Variants in FOXP1 observed in about 807,000 individuals in gnomAD.
The protein encoded by FOXP1 is forkhead box P1, also known as forkhead box protein P1.
Under a neutral mutation model 98.2 loss-of-function variants are expected in FOXP1, and 15 were observed. The observed-to-expected ratio is 0.15, with a 90% CI of 0.10 to 0.24. The LOEUF (loss-of-function observed/expected upper bound fraction) is 0.24, where lower values mean the gene tolerates loss of function less well. Among genes scored for constraint, FOXP1 ranks in the 10% least tolerant of loss-of-function variants. The probability of loss-of-function intolerance (pLI) is 1.00; values close to 1 mark genes in which losing one functional copy is unlikely to be tolerated. For synonymous variants in FOXP1, 371 were observed against 314.5 expected (o/e 1.18, Z -1.90); for missense variants, 633 against 848.5 (o/e 0.75, Z 3.15).
Position 71,460,431 on chromosome 3 carries a change from T to G in FOXP1, c.-168+32995A>C, listed in dbSNP as rs371360292. On this transcript the variant is annotated intron_variant, in intron 3 of 20. Transcript: ENST00000649528. ...ATTTTTGATTTTTTGGTTTTTTTCG[T>G]TTTTTTTTGTTGTTGTTGTTTTTGA... is the stretch of plus-strand genomic sequence containing the variant. 2.8e-3 allele frequency among the ~76,000 whole-genome samples: 417 copies of G among 148,970 alleles called. 1 individual carries two copies. The highest frequency in any genetic ancestry group is 8.2e-3 in the African/African-American group (333 of 40,486).
intron 6 of FOXP1, among the ~76,000 whole-genome samples, chr3:71,159,878 A>T (rs1342621813): frequency 6.6e-6 from 1 of 152,240 alleles, no homozygotes; most frequent in African/African-American, 2.4e-5. Flanking sequence ...AGAACTAATT[A>T]ACACAGTTAC....
intron 2 of FOXP1, among the ~76,000 whole-genome samples, chr3:71,534,357 A>AAACAAC (rs748850801): frequency 6.6e-6 from 1 of 151,882 alleles, no homozygotes; most frequent in Non-Finnish European, 1.5e-5. Flanking sequence ...ACTCTGTCAA[A>AAACAAC]AACAACAACA....
intron 3 of FOXP1, among the ~76,000 whole-genome samples, chr3:71,375,303 C>T (rs1240332388): frequency 1.3e-5 from 2 of 152,194 alleles, no homozygotes; most frequent in Non-Finnish European, 2.9e-5. Context: ...TCTCTTAATT[C>T]TTCCACTCAG....
chr3:71,299,622 G>C lies in FOXP1; in HGVS notation c.-12+198C>G, dbSNP rs960859437. Among the ~76,000 whole-genome samples, 4 of 152,152 alleles carry C rather than the reference G, an allele frequency of 2.6e-5. No individual in the cohort carries two copies. The South Asian group carries it at 8.3e-4, about 32-fold the overall frequency. On this transcript the variant is annotated intron_variant, in intron 5 of 20. Coordinates refer to ENST00000649528, the MANE Select transcript of FOXP1 (RefSeq NM_001349338.3). ...GAAGAGTTTGATAATATTTGGGGGG[G>C]AAATGTGAACCTGTAGACCATTTCT... is the stretch of plus-strand genomic sequence containing the variant.
Position 70,955,432 on chromosome 3 carries a change from G to A in FOXP1, c.*3815C>T, listed in dbSNP as rs949237570. On this transcript the variant is annotated 3_prime_UTR_variant, in exon 21 of 21. Coordinates refer to ENST00000649528, the MANE Select transcript of FOXP1 (RefSeq NM_001349338.3). ...GGCAGCCTAACTCATCTTACAAGAC[G>A]GACTCTAGGGACAGGTAGGTTGGAT... 3 of 232,576 alleles carry A rather than the reference G, an allele frequency of 1.3e-5. No individual in the cohort carries two copies. Among genetic ancestry groups the A allele is most frequent in the East Asian group, 6.1e-5 (1 of 16,526 alleles). 14.4% of individuals were successfully genotyped at this position (232,576 alleles called of 1,614,324 possible). A position where few individuals can be genotyped will look rare whatever the true frequency, so the allele number is the denominator to read the frequency against.
chr3:71,350,553 A>G (rs2077710597), intron 4 of FOXP1, among the ~76,000 whole-genome samples: 1 of 152,198 alleles, frequency 6.6e-6, no homozygotes, highest in South Asian at 2.1e-4. Flanking sequence ...AATGAATAGA[A>G]GGAAGGCAGG....
intron 3 of FOXP1, among the ~76,000 whole-genome samples, chr3:71,430,122 T>C (rs1439537530): frequency 6.6e-6 from 1 of 152,108 alleles, no homozygotes; most frequent in Non-Finnish European, 1.5e-5. Context: ...AAGACCACCC[T>C]GGGAATGAGA....
At chr3:71,189,071 A>G (rs1006440023) in intron 6 of FOXP1, among the ~76,000 whole-genome samples, 1 of 152,176 alleles carries the variant, frequency 6.6e-6, no homozygotes, top group Non-Finnish European at 1.5e-5. Context: ...TAAATACACA[A>G]AGAAGACTGG....
In FOXP1 at chr3:71,397,724, T is replaced by C. The variant is rs562504088; in HGVS notation, c.-167-38480A>G. On this transcript the variant is annotated intron_variant, in intron 3 of 20. Transcript: ENST00000649528. ...AAAACCCCACCAAAGCTCTCACTGA[T>C]TTCACAGAGTTAATCTAGAAACCTT... is the stretch of plus-strand genomic sequence containing the variant. Among the ~76,000 whole-genome samples, 11 of 152,338 alleles carry C rather than the reference T, an allele frequency of 7.2e-5. No homozygotes were observed. In the South Asian group the frequency reaches 2.3e-3, roughly 32 times the overall value.
chr3:71,133,906 A>C (rs192477470), intron 6 of FOXP1, among the ~76,000 whole-genome samples: 3 of 152,286 alleles, frequency 2.0e-5, no homozygotes, highest in Non-Finnish European at 2.9e-5. Context: ...TTATGACTCT[A>C]TAGTATTTCC....
At chr3:71,279,923 A>T (rs2071334047) in intron 5 of FOXP1, among the ~76,000 whole-genome samples, 1 of 152,034 alleles carries the variant, frequency 6.6e-6, no homozygotes, top group Admixed American at 6.5e-5. Context: ...GGAGATCGAG[A>T]CTATCCTGGC....
chr3:71,521,313 G>A (rs1419109991), intron 2 of FOXP1, among the ~76,000 whole-genome samples: 2 of 152,168 alleles, frequency 1.3e-5, no homozygotes, highest in Non-Finnish European at 2.9e-5. Flanking sequence ...AATCGCCTGA[G>A]GTCAGGAGTT....
chr3:71,403,706 C>T (rs1317666952), intron 3 of FOXP1, among the ~76,000 whole-genome samples: 1 of 152,068 alleles, frequency 6.6e-6, no homozygotes, highest in Non-Finnish European at 1.5e-5. Flanking sequence ...AAAAAAATAG[C>T]CCAATGTGGT....
At chr3:71,379,883 C>T (rs1180182051) in intron 3 of FOXP1, among the ~76,000 whole-genome samples, 1 of 152,184 alleles carries the variant, frequency 6.6e-6, no homozygotes, top group Non-Finnish European at 1.5e-5. Context: ...ATAGTATTTA[C>T]TTTAGGTAAT....
chr3:71,481,894 C>T (rs560170897), intron 3 of FOXP1, among the ~76,000 whole-genome samples: 3 of 152,190 alleles, frequency 2.0e-5, no homozygotes, highest in East Asian at 1.9e-4. Flanking sequence ...CCTAGGCCTC[C>T]GTTTTATGAA....
chr3:71,512,816 T>C (rs2042296277), intron 2 of FOXP1, among the ~76,000 whole-genome samples: 1 of 152,172 alleles, frequency 6.6e-6, no homozygotes, highest in Non-Finnish European at 1.5e-5. Flanking sequence ...AAAGACCATC[T>C]CCACCCCTGT....
chr3:71,341,730 T>A (rs1032411260), intron 4 of FOXP1, among the ~76,000 whole-genome samples: 1 of 152,162 alleles, frequency 6.6e-6, no homozygotes, highest in Non-Finnish European at 1.5e-5. Context: ...AAGAAAGATT[T>A]GAAATAAAAT....
chr3:71,273,039 G>A (rs751811038), intron 5 of FOXP1, among the ~76,000 whole-genome samples: 34 of 152,112 alleles, frequency 2.2e-4, no homozygotes, highest in Non-Finnish European at 3.7e-4. Context: ...CCTCACACTC[G>A]TGTGTGCGCA....
intron 3 of FOXP1, among the ~76,000 whole-genome samples, chr3:71,449,131 T>C (rs903401727): frequency 6.6e-6 from 1 of 152,184 alleles, no homozygotes; most frequent in African/African-American, 2.4e-5. Flanking sequence ...ATTTTGGTAA[T>C]AAAAACAGGG....
Sources: gnomAD v4.1 joint callset for allele counts (sites outside exome capture counted in the v4.1 genomes callset) on GRCh38, gnomAD v4.1.1 for gene constraint, MANE v1.5 for transcripts, NCBI Gene and HGNC (gene_info 2026-07-23, HGNC 2026-07-21) for gene names.